STK31: variants seen among roughly 807,000 people sequenced by gnomAD.
The protein encoded by STK31 is serine/threonine kinase 31.
In STK31, 89 loss-of-function variants were observed where a neutral mutation model predicts 129.7. The ratio of observed to expected loss-of-function variants is 0.69; its 90% CI spans 0.58 to 0.82. The LOEUF is 0.82. Among genes scored for constraint, STK31 ranks in the 40% least tolerant of loss-of-function variants. The pLI is 0.00. For synonymous variants in STK31, 448 were observed against 395.3 expected, an observed-to-expected ratio of 1.13 and a Z score of -1.58; for missense variants, 1,187 against 1,176.4, an observed-to-expected ratio of 1.01 and a Z score of -0.13.
chr7:23,756,815 C>T (rs570260386), intron 10 of STK31, among the ~76,000 whole-genome samples: 1 of 152,284 alleles, frequency 6.6e-6, no homozygotes, highest in South Asian at 2.1e-4. Flanking sequence ...TATGTTGAAC[C>T]AGCCTTGCGT....
chr7:23,730,878 A>ATATATATATATATTTTT lies in STK31; in HGVS notation c.483+1630_483+1631insATATATATATATTTTTT. On this transcript the variant is annotated intron_variant, in intron 6 of 23. Coordinates refer to ENST00000355870, the MANE Select transcript of STK31 (RefSeq NM_031414.5). Reference sequence around the variant, plus strand: ...CATTTATATATATATATATATATATATTTTTTTTTTTTTTTTTTGGTTGGG... The same window carrying ATATATATATATATTTTT: ...CATTTATATATATATATATATATATATATATATATATATTTTTTTTTTTTTTTTTTTTTTTGGTTGGG... Among the ~76,000 whole-genome samples the ATATATATATATATTTTT allele has an allele frequency of 9.3e-3, 554 of 59,414 alleles. 14 individuals carry two copies. Among genetic ancestry groups the ATATATATATATATTTTT allele is most frequent in the Non-Finnish European group, 0.015 (462 of 30,414 alleles). The allele number at this position is 59,414 out of a possible 152,430, so 39.0% of individuals were successfully genotyped here.
chr7:23,788,665 GA>G (rs1791442172), intron 21 of STK31, among the ~76,000 whole-genome samples: 1 of 151,928 alleles, frequency 6.6e-6, no homozygotes, highest in Non-Finnish European at 1.5e-5. Context: ...AGCATGTTGT[GA>G]TTTTTTTGTC....
chr7:23,792,319 T>C lies in STK31; in HGVS notation c.2760+1373T>C, dbSNP rs140014066. Among the ~76,000 whole-genome samples the C allele has an allele frequency of 1.6e-4, 24 of 152,292 alleles. No individual in the cohort carries two copies. In the East Asian group the frequency reaches 2.3e-3, roughly 15 times the overall value. ...TAATTTCAATATAATTGTGTTTTTA[T>C]ATAAGCAACAAATAATAGGAAATTA... is the stretch of plus-strand genomic sequence containing the variant. On this transcript the variant is annotated intron_variant, in intron 22 of 23. Coordinates refer to ENST00000355870, the MANE Select transcript of STK31 (RefSeq NM_031414.5).
intron 10 of STK31, 86 bp from the exon 11 acceptor site, chr7:23,762,715 T>C: frequency 6.7e-7 from 1 of 1,491,376 alleles, no homozygotes; most frequent in Non-Finnish European, 9.1e-7. Context: ...ATAAAGTTAA[T>C]TTTGGAGATC....
At chr7:23,744,742 G>C (rs1042067550) in intron 8 of STK31, among the ~76,000 whole-genome samples, 1 of 152,192 alleles carries the variant, frequency 6.6e-6, no homozygotes, top group African/African-American at 2.4e-5. Context: ...TTCCTCAATG[G>C]CTTAGGGTGT....
chr7:23,818,158 A>G (rs1793576428), intron 23 of STK31, among the ~76,000 whole-genome samples: 1 of 152,088 alleles, frequency 6.6e-6, no homozygotes, highest in African/African-American at 2.4e-5. Context: ...ATCTACCTGT[A>G]TTGGGTTAAT....
intron 15 of STK31, among the ~76,000 whole-genome samples, chr7:23,778,855 C>G (rs1201248302): frequency 6.6e-6 from 1 of 152,118 alleles, no homozygotes; most frequent in Non-Finnish European, 1.5e-5. Context: ...AACTCATTCT[C>G]CATCCAGTTT....
At chr7:23,794,153 C>T (rs1045778471) in intron 22 of STK31, among the ~76,000 whole-genome samples, 8 of 152,188 alleles carry the variant, frequency 5.3e-5, no homozygotes, top group Non-Finnish European at 1.5e-5. Context: ...TGTGTCTCCA[C>T]CCAAATCTCA....
At chr7:23,763,308 T>G (rs59317812) in intron 11 of STK31, among the ~76,000 whole-genome samples, 38,285 of 151,940 alleles carry the variant, frequency 0.25, 5,204 homozygotes, top group East Asian at 0.39. Context: ...TTAGGCTCCA[T>G]GACCAGGGAA....
At chr7:23,793,081 G>A (rs879565795) in intron 22 of STK31, among the ~76,000 whole-genome samples, 1 of 152,220 alleles carries the variant, frequency 6.6e-6, no homozygotes, top group African/African-American at 2.4e-5. Context: ...GCAGAATAGA[G>A]ACAATATAAA....
chr7:23,796,910 G>C (rs754338117), intron 22 of STK31, among the ~76,000 whole-genome samples: 2 of 150,284 alleles, frequency 1.3e-5, no homozygotes, highest in African/African-American at 2.4e-5. Context: ...TAAAGGGATG[G>C]AGGAATATTT....
chr7:23,723,413 A>AT (rs1287283186), intron 4 of STK31, among the ~76,000 whole-genome samples: 2 of 152,030 alleles, frequency 1.3e-5, no homozygotes, highest in Non-Finnish European at 2.9e-5. Context: ...AATTTTTAAA[A>AT]TTTTTTTTAT....
chr7:23,764,415 T>A (rs1789681949), intron 11 of STK31, among the ~76,000 whole-genome samples: 1 of 152,230 alleles, frequency 6.6e-6, no homozygotes, highest in African/African-American at 2.4e-5. Flanking sequence ...CTTCTCTTTA[T>A]TTTGCTGAGA....
At chr7:23,770,367 C>T (rs1476562131) in intron 13 of STK31, among the ~76,000 whole-genome samples, 1 of 151,922 alleles carries the variant, frequency 6.6e-6, no homozygotes, top group African/African-American at 2.4e-5. Flanking sequence ...TAATTTTACT[C>T]ATATTGGCAT....
At chr7:23,778,441 G>T (rs1446926719) in intron 15 of STK31, among the ~76,000 whole-genome samples, 1 of 152,024 alleles carries the variant, frequency 6.6e-6, no homozygotes, top group African/African-American at 2.4e-5. Context: ...TTTCCAACTT[G>T]GTTCCCTTTT....
At chr7:23,829,490 G>A (rs1176244261) in intron 23 of STK31, among the ~76,000 whole-genome samples, 1 of 152,144 alleles carries the variant, frequency 6.6e-6, no homozygotes, top group Non-Finnish European at 1.5e-5. Flanking sequence ...ATTAATCATG[G>A]TGTATTATGT....
chr7:23,828,195 G>A (rs970823056), intron 23 of STK31, among the ~76,000 whole-genome samples: 8 of 151,954 alleles, frequency 5.3e-5, no homozygotes, highest in African/African-American at 1.9e-4. Flanking sequence ...CCCAGAGGTG[G>A]AGCCTACAGA....
intron 23 of STK31, among the ~76,000 whole-genome samples, chr7:23,820,463 T>C (rs950266621): frequency 6.6e-6 from 1 of 152,242 alleles, no homozygotes; most frequent in African/African-American, 2.4e-5. Context: ...TTGTATGGAA[T>C]GTGTTAATGA....
intron 10 of STK31, among the ~76,000 whole-genome samples, chr7:23,761,651 G>A (rs1219758215): frequency 2.0e-5 from 3 of 149,812 alleles, no homozygotes; most frequent in South Asian, 2.1e-4. Context: ...CTCATGATCC[G>A]CCTGCCTCGG....
Sources: gnomAD v4.1 joint callset for allele counts (sites outside exome capture counted in the v4.1 genomes callset) on GRCh38, gnomAD v4.1.1 for gene constraint, MANE v1.5 for transcripts, NCBI Gene and HGNC (gene_info 2026-07-23, HGNC 2026-07-21) for gene names.